The following LRRC9 variants were observed in gnomAD, a reference collection of about 807,000 sequenced individuals.
LRRC9 encodes the protein leucine rich repeat containing 9.
In LRRC9, 122 loss-of-function variants were observed where a neutral mutation model predicts 63.2. That is an observed-to-expected ratio of 1.93 (90% CI 1.67 to 2.24). The LOEUF (loss-of-function observed/expected upper bound fraction) is 2.24, where lower values mean the gene tolerates loss of function less well. Among genes scored for constraint, LRRC9 ranks in the 30% most tolerant of loss-of-function variants. LRRC9 has a pLI of 0.00. For missense variants in LRRC9, 1,071 were observed against 627.7 expected, an observed-to-expected ratio of 1.71 and a Z score of -7.55; for synonymous variants, 366 against 213.1, an observed-to-expected ratio of 1.72 and a Z score of -6.25.
At chr14:60,063,544 C>T (rs1894791295) in exon 32 of LRRC9, 1 of 496,996 alleles carries the variant, frequency 2.0e-6, no homozygotes. Context: ...TTTAATATCA[C>T]CTCTCTTAAA....
intron 30 of LRRC9, among the ~76,000 whole-genome samples, chr14:60,057,248 C>T (rs531207475): frequency 2.0e-5 from 3 of 152,178 alleles, no homozygotes; most frequent in Admixed American, 6.5e-5. Flanking sequence ...GCAAGAGTCC[C>T]CTTCCTAAAA....
In LRRC9 at chr14:60,004,881, TACACAC is replaced by T. The variant is rs10550604; in HGVS notation, c.2842+1102_2842+1107del. On this transcript the variant is annotated intron_variant, in intron 21 of 31. Coordinates refer to ENST00000445360, the Ensembl canonical transcript of LRRC9. The surrounding 1 kb of genome is among the most constrained non-coding windows in gnomAD (Gnocchi z 4.8). ...AAAGAGAAATATGTATATGTGTGTA[TACACAC>T]ACACACACACACACACACTTATCTG... Among the ~76,000 whole-genome samples the T allele has an allele frequency of 1.5e-4, 23 of 150,340 alleles. No individual in the cohort carries two copies. Among genetic ancestry groups the T allele is most frequent in the African/African-American group, 4.6e-4 (19 of 41,108 alleles).
intron 7 of LRRC9, among the ~76,000 whole-genome samples, chr14:59,939,143 CAG>C (rs1275635192): frequency 6.7e-6 from 1 of 149,752 alleles, no homozygotes; most frequent in Non-Finnish European, 1.5e-5. Flanking sequence ...GCTTAAATAA[CAG>C]AAATGTAACA....
intron 30 of LRRC9, among the ~76,000 whole-genome samples, chr14:60,055,351 C>T (rs552049942): frequency 6.6e-6 from 1 of 152,198 alleles, no homozygotes; most frequent in East Asian, 1.9e-4. Flanking sequence ...TGTCACAGGC[C>T]CCAGTCTTTC....
At chr14:60,037,455 A>C (rs955225413) in intron 29 of LRRC9, among the ~76,000 whole-genome samples, 2 of 152,158 alleles carry the variant, frequency 1.3e-5, no homozygotes, top group Non-Finnish European at 2.9e-5. Context: ...AATGATCGCC[A>C]TTCTAACTGG....
chr14:59,985,793 C>A (rs1310379068), intron 17 of LRRC9, among the ~76,000 whole-genome samples: 1 of 152,118 alleles, frequency 6.6e-6, no homozygotes, highest in Non-Finnish European at 1.5e-5. Flanking sequence ...ATGTTACTTT[C>A]TCTAAAACAG....
At position 59,935,412 on chromosome 14, in the gene LRRC9, C is replaced by A. The variant is rs556209775; in HGVS notation, c.544-2978C>A. Among the ~76,000 whole-genome samples the A allele has an allele frequency of 7.9e-5, 12 of 152,058 alleles. 1 individual carries two copies. The highest frequency in any genetic ancestry group is 2.4e-4 in the African/African-American group (10 of 41,532). On this transcript the variant is annotated intron_variant, in intron 6 of 31. Coordinates refer to ENST00000445360, the Ensembl canonical transcript of LRRC9. ...GATAAGGATAAGATGGGCATTTATA[C>A]GACATTGGTAATCATTAAAATGATA...
chr14:59,931,971 C>T lies in LRRC9; in HGVS notation c.475C>T (p.Arg159Ter), dbSNP rs921668115. ...TTCTTTTCGTCTATTTTTTAAAGGT[C>T]GATGTCTTGACTCCAATGAACAACT... The change falls in exon 6 of 32, where the codon CGA becomes TGA. Residue 159 changes from arginine to a stop codon, truncating the protein, a stop_gained and splice_region_variant. Coordinates refer to ENST00000445360, the Ensembl canonical transcript of LRRC9. LOFTEE classifies it high-confidence loss of function. 5.7e-6 allele frequency: 4 copies of T among 698,536 alleles called. No homozygotes were observed. The highest frequency in any genetic ancestry group is 3.5e-5 in the African/African-American group (2 of 56,966). The allele number at this position is 698,536 out of a possible 1,614,324, so 43.3% of individuals were successfully genotyped here.
chr14:59,941,290 T>G (rs1477317432), intron 7 of LRRC9, among the ~76,000 whole-genome samples: 1 of 151,916 alleles, frequency 6.6e-6, no homozygotes, highest in African/African-American at 2.4e-5. Flanking sequence ...ATGGGAAACA[T>G]AAGTGGGAAG....
rs1894412209 is a variant in LRRC9, at chr14:60,058,050, A to C, written c.4276+28A>C. On this transcript the variant is annotated intron_variant, in intron 31 of 31. Coordinates refer to ENST00000445360, the Ensembl canonical transcript of LRRC9. The surrounding 1 kb of genome is among the most constrained non-coding windows in gnomAD (Gnocchi z 4.4). ...ATTTTGACAATTTCAGATAGAATGT[A>C]AAAGAATCACTTAATTTGAAATAAA... is the stretch of plus-strand genomic sequence containing the variant. The C allele has an allele frequency of 1.9e-6, 1 of 540,388 alleles. No individual in the cohort carries two copies. Among genetic ancestry groups the C allele is most frequent in the Admixed American group, 2.5e-5 (1 of 39,870 alleles). The allele number at this position is 540,388 out of a possible 1,614,324, so 33.5% of individuals were successfully genotyped here.
chr14:59,971,986 A>T (rs1885561226), intron 12 of LRRC9, among the ~76,000 whole-genome samples: 1 of 152,166 alleles, frequency 6.6e-6, no homozygotes, highest in Non-Finnish European at 1.5e-5. Context: ...GTAGCTTCGC[A>T]TTACATGTAA....
At chr14:60,010,407 G>T (rs1176673898) in intron 23 of LRRC9, among the ~76,000 whole-genome samples, 3 of 152,102 alleles carry the variant, frequency 2.0e-5, no homozygotes, top group Admixed American at 2.0e-4. Context: ...CTGGGACACA[G>T]GGTACCAAGT....
chr14:59,973,330 A>C (rs991258832), intron 12 of LRRC9: 4 of 152,010 alleles, frequency 2.6e-5, no homozygotes, highest in African/African-American at 9.7e-5. Flanking sequence ...CCAAGACTAC[A>C]CTGTAGCCTT....
chr14:60,055,819 CT>C (rs1160118988), intron 30 of LRRC9, among the ~76,000 whole-genome samples: 3 of 150,978 alleles, frequency 2.0e-5, no homozygotes, highest in African/African-American at 7.3e-5. Context: ...GTGGGAGAAT[CT>C]CTTGAGCCTG....
intron 8 of LRRC9, among the ~76,000 whole-genome samples, chr14:59,957,205 A>G (rs1883857096): frequency 6.6e-6 from 1 of 152,142 alleles, no homozygotes; most frequent in Non-Finnish European, 1.5e-5. Context: ...CTCCTGGATA[A>G]TATCCTGAAG....
intron 8 of LRRC9, among the ~76,000 whole-genome samples, chr14:59,948,346 G>A (rs911919446): frequency 4.2e-5 from 6 of 144,432 alleles, no homozygotes; most frequent in African/African-American, 1.6e-4. Flanking sequence ...TGTGATTTTT[G>A]TACATTAATT....
chr14:60,002,130 A>G, intron 20 of LRRC9, 30 bp downstream of exon 20: 1 of 677,938 alleles, frequency 1.5e-6, no homozygotes. Flanking sequence ...AACCTAATAT[A>G]AAGCTTAATT....
At chr14:60,057,653 GAAAAA>G in intron 30 of LRRC9, 3 of 222,634 alleles carry the variant, frequency 1.3e-5, no homozygotes, top group Non-Finnish European at 2.5e-5. Flanking sequence ...AATGCAGTCT[GAAAAA>G]AAAAAAAAAA....
chr14:59,979,354 C>T (rs1566839056), intron 15 of LRRC9, among the ~76,000 whole-genome samples: 1 of 152,216 alleles, frequency 6.6e-6, no homozygotes, highest in Non-Finnish European at 1.5e-5. Flanking sequence ...TGCGGTGGCT[C>T]ACGCCTGTAA....
Sources: gnomAD v4.1 joint callset for allele counts (sites outside exome capture counted in the v4.1 genomes callset) on GRCh38, gnomAD v4.1.1 for gene constraint, Gnocchi (gnomAD v3.1) non-coding constraint, MANE v1.5 for transcripts, NCBI Gene and HGNC (gene_info 2026-07-23, HGNC 2026-07-21) for gene names.